The following ME3 variants were observed in gnomAD, a reference collection of about 807,000 sequenced individuals.
The protein encoded by ME3 is malic enzyme 3, also known as NADP-dependent malic enzyme, mitochondrial.
In ME3, 48 loss-of-function variants were observed where a neutral mutation model predicts 68.9. The observed-to-expected ratio is 0.70, with a 90% CI of 0.55 to 0.89. The LOEUF (loss-of-function observed/expected upper bound fraction) is 0.89, where lower values mean the gene tolerates loss of function less well. Among genes scored for constraint, ME3 ranks in the 40% least tolerant of loss-of-function variants. ME3 has a pLI of 0.00. For synonymous variants in ME3, 320 were observed against 318.8 expected (o/e 1.00, Z -0.04); for missense variants, 675 against 797.4 (o/e 0.85, Z 1.85).
rs139159052 is a variant in ME3 at position 86,659,412 on chromosome 11, C to T, written c.183+12350G>A. Among the ~76,000 whole-genome samples, 255 of 152,234 alleles carry T rather than the reference C, an allele frequency of 1.7e-3. 1 individual carries two copies. The highest frequency in any genetic ancestry group is 3.4e-3 in the Middle Eastern group (1 of 294). On this transcript the variant is annotated intron_variant, in intron 2 of 14. Transcript: ENST00000543262. ...ACTCAAGGAGGGAGTTCCCCTTCAC[C>T]ACTTACTTCCTGGACAGGACATCAA...
intron 2 of ME3, among the ~76,000 whole-genome samples, chr11:86,598,723 C>T (rs1960019172): frequency 6.6e-6 from 1 of 152,190 alleles, no homozygotes; most frequent in East Asian, 1.9e-4. Flanking sequence ...ACTAACACCT[C>T]ACGCGGCCAG....
intron 7 of ME3, among the ~76,000 whole-genome samples, chr11:86,470,543 A>G (rs146029497): frequency 2.0e-5 from 3 of 152,244 alleles, no homozygotes; most frequent in Non-Finnish European, 4.4e-5. Context: ...TGTGTTACAC[A>G]TAGCATACAC....
intron 2 of ME3, among the ~76,000 whole-genome samples, chr11:86,670,626 T>G (rs1946866903): frequency 6.6e-6 from 1 of 152,166 alleles, no homozygotes; most frequent in Non-Finnish European, 1.5e-5. Context: ...TTTTTTTTCC[T>G]TAGCCGCTTC....
chr11:86,478,749 A>G (rs1446191744), intron 7 of ME3, among the ~76,000 whole-genome samples: 1 of 152,200 alleles, frequency 6.6e-6, no homozygotes, highest in Non-Finnish European at 1.5e-5. Flanking sequence ...GTGTTTCCTC[A>G]AGTGGTTTAC....
intron 4 of ME3, among the ~76,000 whole-genome samples, chr11:86,532,978 G>C (rs1284726411): frequency 6.6e-6 from 1 of 152,098 alleles, no homozygotes; most frequent in Non-Finnish European, 1.5e-5. Flanking sequence ...TTTGAACCCA[G>C]GAGGCAGAGG....
chr11:86,649,351 A>G (rs112239014), intron 2 of ME3, among the ~76,000 whole-genome samples: 101 of 152,312 alleles, frequency 6.6e-4, no homozygotes, highest in Middle Eastern at 6.8e-3. Context: ...ACCCACAGCC[A>G]ATATCATACT....
At chr11:86,511,757 G>T (rs535136195) in intron 4 of ME3, among the ~76,000 whole-genome samples, 3 of 152,010 alleles carry the variant, frequency 2.0e-5, no homozygotes, top group Non-Finnish European at 4.4e-5. Context: ...CATGTGGCTC[G>T]AGGTCACAAG....
At chr11:86,610,487 A>C (rs79651366) in intron 2 of ME3, among the ~76,000 whole-genome samples, 1 of 152,178 alleles carries the variant, frequency 6.6e-6, no homozygotes, top group East Asian at 1.9e-4. Context: ...AAATCAGTGC[A>C]TATGCCATGG....
chr11:86,537,809 C>T (rs1224664447), intron 4 of ME3, among the ~76,000 whole-genome samples: 1 of 152,160 alleles, frequency 6.6e-6, no homozygotes, highest in Non-Finnish European at 1.5e-5. Flanking sequence ...GGCTAGAGTG[C>T]TCCACAAGCT....
intron 2 of ME3, among the ~76,000 whole-genome samples, chr11:86,570,082 C>T (rs141520497): frequency 2.0e-5 from 3 of 152,316 alleles, no homozygotes; most frequent in South Asian, 2.1e-4. Context: ...TGAGTTCATG[C>T]ACCTGGCCCA....
intron 2 of ME3, among the ~76,000 whole-genome samples, chr11:86,624,225 CCT>C (rs1391811107): frequency 2.0e-5 from 3 of 152,162 alleles, no homozygotes; most frequent in Admixed American, 6.5e-5. Context: ...TCAGTATTCC[CCT>C]GAGCCTGCCT....
At chr11:86,654,318 T>A (rs1011623383) in intron 2 of ME3, among the ~76,000 whole-genome samples, 1 of 152,106 alleles carries the variant, frequency 6.6e-6, no homozygotes, top group Non-Finnish European at 1.5e-5. Context: ...GACCAATATC[T>A]TTGATGAACA....
intron 2 of ME3, among the ~76,000 whole-genome samples, chr11:86,616,043 G>A (rs551500549): frequency 2.6e-5 from 4 of 152,240 alleles, no homozygotes; most frequent in African/African-American, 9.6e-5. Flanking sequence ...GTCACTTTAA[G>A]ACAGTACATA....
intron 2 of ME3, among the ~76,000 whole-genome samples, chr11:86,645,291 C>T (rs1485786937): frequency 6.6e-6 from 1 of 152,142 alleles, no homozygotes; most frequent in East Asian, 1.9e-4. Context: ...CCCACAGAGC[C>T]CAGCAAACTA....
At chr11:86,555,765 G>A (rs1310742504) in intron 4 of ME3, among the ~76,000 whole-genome samples, 5 of 152,176 alleles carry the variant, frequency 3.3e-5, no homozygotes, top group African/African-American at 7.2e-5. Flanking sequence ...CATAAAACGC[G>A]TGATTTACAA....
chr11:86,620,505 C>T (rs1164465451), intron 2 of ME3, among the ~76,000 whole-genome samples: 1 of 152,126 alleles, frequency 6.6e-6, no homozygotes, highest in Admixed American at 6.6e-5. Context: ...GTTAGGATGA[C>T]ATCTAAAAAT....
At chr11:86,508,203 C>T (rs1953227190) in intron 5 of ME3, among the ~76,000 whole-genome samples, 1 of 152,050 alleles carries the variant, frequency 6.6e-6, no homozygotes, top group Non-Finnish European at 1.5e-5. Context: ...TAGGCTTTTA[C>T]TCTTGGTACA....
intron 2 of ME3, chr11:86,668,172 G>C (rs573501911): frequency 6.6e-6 from 1 of 152,170 alleles, no homozygotes; most frequent in East Asian, 1.9e-4. Flanking sequence ...CAGGCAGGCT[G>C]CCTCTGTCCA....
At chr11:86,448,179 A>G (rs1261702860) in exon 11 of ME3, 1 of 1,613,970 alleles carries the variant, frequency 6.2e-7, no homozygotes, top group South Asian at 1.1e-5. Flanking sequence ...CACCAGCCTC[A>G]CCACCTCCTC....
Sources: allele counts gnomAD v4.1 joint callset (sites outside exome capture counted in the v4.1 genomes callset), GRCh38; gene constraint gnomAD v4.1.1; transcripts MANE v1.5; gene names NCBI Gene and HGNC (gene_info 2026-07-23, HGNC 2026-07-21).